The following ACSS3 variants were observed in gnomAD, a reference collection of about 807,000 sequenced individuals.
ACSS3 encodes the protein acyl-CoA synthetase short-chain family member 3, mitochondrial.
ACSS3 carries 64 observed loss-of-function variants against 84.2 expected under a neutral mutation model. The observed-to-expected ratio is 0.76, with a 90% CI of 0.62 to 0.94. ACSS3 has a LOEUF of 0.94. Among genes scored for constraint, ACSS3 ranks in the 40% least tolerant of loss-of-function variants. The pLI is 0.00. For missense variants in ACSS3, 815 were observed against 867.6 expected, an observed-to-expected ratio of 0.94 and a Z score of 0.76; for synonymous variants, 317 against 310.1, an observed-to-expected ratio of 1.02 and a Z score of -0.23.
At chr12:81,173,557 T>C (rs2030238511) in intron 7 of ACSS3, among the ~76,000 whole-genome samples, 2 of 152,168 alleles carry the variant, frequency 1.3e-5, no homozygotes, top group Non-Finnish European at 2.9e-5. Flanking sequence ...TCAATGAGTA[T>C]TGAATCTAAA....
intron 8 of ACSS3, among the ~76,000 whole-genome samples, chr12:81,191,265 T>C (rs2031555194): frequency 6.6e-6 from 1 of 152,126 alleles, no homozygotes; most frequent in Non-Finnish European, 1.5e-5. Flanking sequence ...TATTGTGACA[T>C]GTATCCATCA....
intron 8 of ACSS3, among the ~76,000 whole-genome samples, chr12:81,178,484 A>AC (rs398116660): frequency 5.3e-5 from 8 of 151,684 alleles, no homozygotes; most frequent in Non-Finnish European, 8.8e-5. Context: ...ATAAAAAAAA[A>AC]CATTTCTATA....
chr12:81,235,322 T>C (rs1472957464), intron 13 of ACSS3, among the ~76,000 whole-genome samples: 1 of 151,266 alleles, frequency 6.6e-6, no homozygotes, highest in African/African-American at 2.4e-5. Context: ...ATAGATTTTT[T>C]TATGTAGATC....
chr12:81,119,099 G>A (rs1317945169), intron 2 of ACSS3, among the ~76,000 whole-genome samples: 1 of 152,154 alleles, frequency 6.6e-6, no homozygotes. Flanking sequence ...GGGCTGCTGG[G>A]GGTGACATCA....
At chr12:81,198,831 G>A (rs548146565) in intron 8 of ACSS3, among the ~76,000 whole-genome samples, 2 of 152,094 alleles carry the variant, frequency 1.3e-5, no homozygotes, top group East Asian at 3.9e-4. Context: ...TATGTCCTTG[G>A]AATAGGAAAA....
chr12:81,098,628 A>G (rs887955288), intron 1 of ACSS3, among the ~76,000 whole-genome samples: 5 of 152,220 alleles, frequency 3.3e-5, no homozygotes, highest in African/African-American at 1.2e-4. Flanking sequence ...TCTTGATACA[A>G]TTCTTTAAAA....
chr12:81,169,501 G>A (rs772127166), intron 7 of ACSS3, among the ~76,000 whole-genome samples: 22 of 152,020 alleles, frequency 1.4e-4, no homozygotes, highest in Admixed American at 2.6e-4. Context: ...ACTTACGAAA[G>A]GGAAAACATT....
In ACSS3 at chr12:81,102,547, G is replaced by A. The variant is rs191473864; in HGVS notation, c.312-7013G>A. On this transcript the variant is annotated intron_variant, in intron 1 of 15. Coordinates refer to ENST00000548058, the MANE Select transcript of ACSS3 (RefSeq NM_024560.4). ...TTTCAAATTGGAGAAGATTGGCCAC[G>A]TGCAGTGGCTCACGCCTGTAATACC... Among the ~76,000 whole-genome samples, 14 of 152,244 alleles carry A rather than the reference G, an allele frequency of 9.2e-5. No homozygotes were observed. In the East Asian group the frequency reaches 2.3e-3, roughly 25 times the overall value.
At chr12:81,246,126 T>G (rs2033977662) in intron 13 of ACSS3, among the ~76,000 whole-genome samples, 1 of 152,170 alleles carries the variant, frequency 6.6e-6, no homozygotes. Context: ...GTGGCACTGA[T>G]CCTTTCTGGG....
chr12:81,216,043 T>C (rs1208056248), intron 9 of ACSS3, among the ~76,000 whole-genome samples: 1 of 152,130 alleles, frequency 6.6e-6, no homozygotes, highest in African/African-American at 2.4e-5. Flanking sequence ...GAAAAACTAT[T>C]GCCAAATTTA....
At chr12:81,213,845 C>CCTCTA (rs2032749708) in intron 9 of ACSS3, among the ~76,000 whole-genome samples, 1 of 20,494 alleles carries the variant, frequency 4.9e-5, no homozygotes. Flanking sequence ...TCTCTTCTCT[C>CCTCTA]CTCTCCTCTC....
intron 8 of ACSS3, among the ~76,000 whole-genome samples, chr12:81,194,087 A>G (rs2031708733): frequency 6.6e-6 from 1 of 151,592 alleles, no homozygotes; most frequent in Non-Finnish European, 1.5e-5. Flanking sequence ...TTTTTTTTAT[A>G]AACCACTGTA....
intron 1 of ACSS3, among the ~76,000 whole-genome samples, chr12:81,099,515 G>A (rs1882335033): frequency 6.6e-6 from 1 of 152,142 alleles, no homozygotes; most frequent in African/African-American, 2.4e-5. Flanking sequence ...GTGCGATATG[G>A]CACTTTTTGA....
chr12:81,118,035 T>G (rs1884197602), intron 2 of ACSS3: 1 of 152,178 alleles, frequency 6.6e-6, no homozygotes, highest in Non-Finnish European at 1.5e-5. Flanking sequence ...TGTTTCTGTA[T>G]AATTTTCAAG....
intron 9 of ACSS3, among the ~76,000 whole-genome samples, chr12:81,200,547 C>T (rs1304613111): frequency 6.6e-6 from 1 of 152,162 alleles, no homozygotes; most frequent in Non-Finnish European, 1.5e-5. Context: ...GTTTCTGATT[C>T]TGACAAATTA....
intron 13 of ACSS3, among the ~76,000 whole-genome samples, chr12:81,239,236 C>G (rs1048134581): frequency 6.6e-6 from 1 of 151,428 alleles, no homozygotes; most frequent in African/African-American, 2.4e-5. Flanking sequence ...GATTTATATT[C>G]TTTTTAAAAT....
intron 7 of ACSS3, among the ~76,000 whole-genome samples, chr12:81,167,025 C>T (rs1887435224): frequency 1.3e-5 from 2 of 152,184 alleles, no homozygotes; most frequent in African/African-American, 4.8e-5. Flanking sequence ...GAAAACAGTC[C>T]TGCTAGAAGC....
intron 7 of ACSS3, among the ~76,000 whole-genome samples, chr12:81,159,251 AATAG>A (rs1000705270): frequency 2.6e-5 from 4 of 152,120 alleles, no homozygotes; most frequent in African/African-American, 9.7e-5. Flanking sequence ...TATAGCACTA[AATAG>A]ATAGATTAGA....
At chr12:81,114,848 T>C (rs1883906248) in intron 2 of ACSS3, among the ~76,000 whole-genome samples, 1 of 152,114 alleles carries the variant, frequency 6.6e-6, no homozygotes, top group African/African-American at 2.4e-5. Flanking sequence ...AACAGAATAA[T>C]TCCATGTAAG....
Sources: gnomAD v4.1 joint callset for allele counts (sites outside exome capture counted in the v4.1 genomes callset) on GRCh38, gnomAD v4.1.1 for gene constraint, MANE v1.5 for transcripts, NCBI Gene and HGNC (gene_info 2026-07-23, HGNC 2026-07-21) for gene names.